The following GRK1 variants were observed in gnomAD, a reference collection of about 807,000 sequenced individuals.
GRK1 encodes the protein G protein-coupled receptor kinase 1.
Under a neutral mutation model 41.7 loss-of-function variants are expected in GRK1, and 28 were observed. The ratio of observed to expected loss-of-function variants is 0.67; its 90% CI spans 0.50 to 0.92. The LOEUF is 0.92. Among genes scored for constraint, GRK1 ranks in the 40% least tolerant of loss-of-function variants. The pLI, the probability that GRK1 is intolerant of heterozygous loss-of-function variation, is 0.00. For missense variants in GRK1, 703 were observed against 671.2 expected, an observed-to-expected ratio of 1.05 and a Z score of -0.52; for synonymous variants, 327 against 286.7, an observed-to-expected ratio of 1.14 and a Z score of -1.42.
intron 6 of GRK1, among the ~76,000 whole-genome samples, chr13:113,733,558 T>A (rs1175962065): frequency 2.7e-5 from 4 of 150,902 alleles, no homozygotes; most frequent in African/African-American, 9.8e-5. Flanking sequence ...CGCGCACGTG[T>A]GTCCATGTAT....
the GRK1 span, chr13:113,654,693 CG>C: frequency 3.5e-6 from 5 of 1,439,874 alleles, no homozygotes; most frequent in Non-Finnish European, 4.6e-6. Flanking sequence ...CTGGGGCTGC[CG>C]GGCTGGCTTC....
chr13:113,659,208 G>A, the GRK1 span, among the ~76,000 whole-genome samples: 1 of 152,238 alleles, frequency 6.6e-6, no homozygotes, highest in African/African-American at 2.4e-5. Context: ...CAGACGCTTT[G>A]CTGTTGGAGA....
At chr13:113,650,214 T>C in the GRK1 span, among the ~76,000 whole-genome samples, 1 of 152,096 alleles carries the variant, frequency 6.6e-6, no homozygotes, top group Middle Eastern at 3.4e-3. This position sits in a 1 kb window ranked among gnomAD's most constrained non-coding sequence, Gnocchi z 5.0. Flanking sequence ...ATTTTCATGT[T>C]GCGTGAGAGG....
chr13:113,671,718 T>TG lies in GRK1; in HGVS notation c.985+67dup, dbSNP rs2049859473. 4.3e-6 allele frequency: 3 copies of TG among 698,420 alleles called. No individual in the cohort carries two copies. Among genetic ancestry groups the TG allele is most frequent in the Admixed American group, 2.0e-5 (1 of 49,820 alleles). 43.3% of individuals were successfully genotyped at this position (698,420 alleles called of 1,614,324 possible). Reference sequence around the variant, plus strand: ...CGAGGAGGGCGGGGCGCAGCTTCCTTGGGGGTCTCTGCACAACCTCACGAG... The same window carrying TG: ...CGAGGAGGGCGGGGCGCAGCTTCCTTGGGGGGTCTCTGCACAACCTCACGAG... On this transcript the variant is annotated intron_variant, in intron 3 of 6. Coordinates refer to ENST00000335678, the MANE Select transcript of GRK1 (RefSeq NM_002929.3). The surrounding 1 kb of genome is among the most constrained non-coding windows in gnomAD (Gnocchi z 4.1).
chr13:113,665,643 CCAGT>C, upstream of GRK1, among the ~76,000 whole-genome samples: 1 of 145,350 alleles, frequency 6.9e-6, no homozygotes, highest in Non-Finnish European at 1.5e-5. Flanking sequence ...CCAGCTGTCT[CCAGT>C]GTGTCCCAGC....
chr13:113,732,850 T>A, intron 5 of GRK1, 34 bp from the exon 6 acceptor site: 2 of 1,494,448 alleles, frequency 1.3e-6, no homozygotes, highest in Non-Finnish European at 1.8e-6. Flanking sequence ...GAGAGGCGGG[T>A]CTGGCAGGGC....
chr13:113,733,759 G>GTGTGTGTGTGTGTGCATACGTGTGTGCA (rs2049965906), intron 6 of GRK1, among the ~76,000 whole-genome samples: 3 of 116,380 alleles, frequency 2.6e-5, no homozygotes, highest in African/African-American at 9.6e-5. Context: ...ATGTGTGTGC[G>GTGTGTGTGTGTGTGCATACGTGTGTGCA]TGTGTATGTG....
rs1359273936 is a variant in GRK1 at position 113,731,256 on chromosome 13, C to T, written c.1107C>T (p.Tyr369=). The T allele has an allele frequency of 2.3e-5, 35 of 1,536,934 alleles. No individual in the cohort carries two copies. The highest frequency in any genetic ancestry group is 1.5e-4 in the East Asian group (6 of 40,930). ...MAPELLQGEE[Y]DFSVDYFALG... is the part of the protein sequence containing the mutation. ...CCGAGCTCCTGCAGGGCGAGGAGTA[C>T]GACTTCTCCGTGGACTACTTTGCCC... The change falls in exon 5 of 7, where the codon TAC becomes TAT. Residue 369 remains tyrosine, a synonymous_variant. Coordinates refer to ENST00000335678, the MANE Select transcript of GRK1 (RefSeq NM_002929.3). The surrounding 1 kb of genome is among the most constrained non-coding windows in gnomAD (Gnocchi z 5.6).
At chr13:113,652,918 G>T in the GRK1 span, 1 of 1,614,224 alleles carries the variant, frequency 6.2e-7, no homozygotes, top group Non-Finnish European at 8.5e-7. Context: ...CTTCAAAGCC[G>T]AAGTTGGGAT....
the GRK1 span, chr13:113,648,781 C>A: frequency 6.6e-6 from 1 of 152,164 alleles, no homozygotes; most frequent in Non-Finnish European, 1.5e-5. Flanking sequence ...TCCTGACTTG[C>A]AATGGAGACT....
chr13:113,654,863 C>G, the GRK1 span: 1 of 1,614,226 alleles, frequency 6.2e-7, no homozygotes, highest in Non-Finnish European at 8.5e-7. Context: ...GGTCCACTGT[C>G]TGCATCAGCA....
the GRK1 span, among the ~76,000 whole-genome samples, chr13:113,654,453 C>T: frequency 6.6e-5 from 10 of 152,192 alleles, no homozygotes; most frequent in Non-Finnish European, 8.8e-5. Flanking sequence ...AGAAACATTC[C>T]GTGTGCATAT....
chr13:113,733,659 G>GTGTGTA (rs2049959545), intron 6 of GRK1, among the ~76,000 whole-genome samples: 1 of 100,070 alleles, frequency 1.0e-5, no homozygotes, highest in African/African-American at 5.5e-5. Context: ...ATACGTGTGT[G>GTGTGTA]TGCGTGTGTG....
At position 113,671,259 on chromosome 13, in the gene GRK1, G is replaced by C. The variant is rs1288443647; in HGVS notation, c.828-240G>C. ...GCCCGCGCTGGAAAGCAGGCGGACAGGAGACGCACGTGGACAGCACTTTCT... is the reference window on the plus strand; with the variant it reads ...GCCCGCGCTGGAAAGCAGGCGGACACGAGACGCACGTGGACAGCACTTTCT... On this transcript the variant is annotated intron_variant, in intron 2 of 6. Coordinates refer to ENST00000335678, the MANE Select transcript of GRK1 (RefSeq NM_002929.3). The surrounding 1 kb of genome is among the most constrained non-coding windows in gnomAD (Gnocchi z 4.1). Among the ~76,000 whole-genome samples the C allele has an allele frequency of 6.6e-6, 1 of 152,214 alleles. No individual in the cohort carries two copies. The highest frequency in any genetic ancestry group is 1.9e-4 in the East Asian group (1 of 5,180).
the GRK1 span, chr13:113,649,533 G>A: frequency 6.6e-7 from 1 of 1,516,208 alleles, no homozygotes; most frequent in African/African-American, 1.4e-5. This position sits in a 1 kb window ranked among gnomAD's most constrained non-coding sequence, Gnocchi z 4.7. Context: ...TGCTGTAGTG[G>A]GGCTGAAGTG....
At chr13:113,653,353 T>C in the GRK1 span, 1 of 1,613,890 alleles carries the variant, frequency 6.2e-7, no homozygotes, top group Non-Finnish European at 8.5e-7. Context: ...CTGTGTGAGG[T>C]CTGCCCAGGT....
At chr13:113,672,377 C>T (rs1322045724) in intron 3 of GRK1, among the ~76,000 whole-genome samples, 1 of 638 alleles carries the variant, frequency 1.6e-3, no homozygotes, top group Non-Finnish European at 4.4e-3. Context: ...TGGTGTGGTA[C>T]GTGGTATGTG....
At chr13:113,649,476 C>T in the GRK1 span, 1 of 1,557,708 alleles carries the variant, frequency 6.4e-7, no homozygotes, top group East Asian at 2.4e-5. The surrounding 1 kb of genome is among the most constrained non-coding windows in gnomAD (Gnocchi z 4.7). Flanking sequence ...CGATGGCGAC[C>T]TCAGCGTTCC....
the GRK1 span, among the ~76,000 whole-genome samples, chr13:113,653,636 C>T: frequency 5.9e-5 from 9 of 152,206 alleles, no homozygotes; most frequent in Non-Finnish European, 8.8e-5. Context: ...GGAGTTGCCC[C>T]GGCCCTGGAA....
Sources: gnomAD v4.1 joint callset for allele counts (sites outside exome capture counted in the v4.1 genomes callset) on GRCh38, gnomAD v4.1.1 for gene constraint, Gnocchi (gnomAD v3.1) non-coding constraint, MANE v1.5 for transcripts, NCBI Gene and HGNC (gene_info 2026-07-23, HGNC 2026-07-21) for gene names.